Variants in AUTS2 observed in about 807,000 individuals in gnomAD.
The protein encoded by AUTS2 is autism susceptibility gene 2 protein.
In AUTS2, 17 loss-of-function variants were observed where a neutral mutation model predicts 112.4. The ratio of observed to expected loss-of-function variants is 0.15; its 90% confidence interval spans 0.10 to 0.23. The LOEUF (loss-of-function observed/expected upper bound fraction) is 0.23, where lower values mean the gene tolerates loss of function less well. Among genes scored for constraint, AUTS2 ranks in the 10% least tolerant of loss-of-function variants. AUTS2 has a pLI of 1.00. For synonymous variants in AUTS2, 751 were observed against 702.7 expected (o/e 1.07, Z -1.09); for missense variants, 1,510 against 1,701.6 (o/e 0.89, Z 1.98).
chr7:69,659,583 G>GTTTTTTTTTTT (rs58289887), intron 1 of AUTS2, among the ~76,000 whole-genome samples: 15 of 81,272 alleles, frequency 1.8e-4, no homozygotes, highest in Admixed American at 5.4e-4. Context: ...AGGCTTAGTT[G>GTTTTTTTTTTT]TTTTTTTTTT....
intron 5 of AUTS2, among the ~76,000 whole-genome samples, chr7:70,504,065 G>C (rs1475843647): frequency 7.6e-6 from 1 of 131,606 alleles, no homozygotes; most frequent in Non-Finnish European, 1.8e-5. Flanking sequence ...TTGTAAGCTT[G>C]GGTGTGAAAA....
intron 4 of AUTS2, among the ~76,000 whole-genome samples, chr7:70,190,844 A>G (rs1158051968): frequency 6.6e-6 from 1 of 152,180 alleles, no homozygotes; most frequent in Admixed American, 6.5e-5. Context: ...GGAAGTGGGT[A>G]TTTTAACCAT....
intron 4 of AUTS2, among the ~76,000 whole-genome samples, chr7:70,311,570 G>GT (rs769894821): frequency 6.6e-6 from 1 of 151,956 alleles, no homozygotes; most frequent in Non-Finnish European, 1.5e-5. Flanking sequence ...GTTTTGTTTT[G>GT]TTTTTTGTTA....
At chr7:70,145,548 T>C (rs1807082267) in intron 4 of AUTS2, among the ~76,000 whole-genome samples, 1 of 152,198 alleles carries the variant, frequency 6.6e-6, no homozygotes, top group Admixed American at 6.5e-5. Context: ...ACAGTATTTA[T>C]GTTTTAACAG....
Position 70,380,088 on chromosome 7 carries a change from T to G in AUTS2, c.661-55664T>G, listed in dbSNP as rs185841389. 5.3e-4 allele frequency among the ~76,000 whole-genome samples: 80 copies of G among 152,328 alleles called. 2 individuals are homozygous for G. In the East Asian group the frequency reaches 0.015, roughly 29 times the overall value. Reference sequence around the variant, plus strand: ...AAGTGGTTTGATCAGTATATATTGATTATTTGATTTATTGACTTTGCTGCA... The same window carrying G: ...AAGTGGTTTGATCAGTATATATTGAGTATTTGATTTATTGACTTTGCTGCA... On this transcript the variant is annotated intron_variant, in intron 4 of 18. Transcript: ENST00000342771.
At chr7:70,518,662 G>A (rs1466697319) in intron 5 of AUTS2, among the ~76,000 whole-genome samples, 3 of 150,162 alleles carry the variant, frequency 2.0e-5, no homozygotes, top group African/African-American at 4.9e-5. Flanking sequence ...CAGCCTGGGC[G>A]ACAGAGTGAG....
intron 1 of AUTS2, among the ~76,000 whole-genome samples, chr7:69,882,065 G>GCTTGAAA (rs1794072932): frequency 6.8e-6 from 1 of 148,062 alleles, no homozygotes; most frequent in South Asian, 2.1e-4. Context: ...CAGGAGAATC[G>GCTTGAAA]CTTGAAACTG....
At chr7:70,073,230 G>A (rs1192277682) in intron 2 of AUTS2, among the ~76,000 whole-genome samples, 1 of 151,720 alleles carries the variant, frequency 6.6e-6, no homozygotes, top group Non-Finnish European at 1.5e-5. Flanking sequence ...AGGCTGGTAG[G>A]CCAGGTGCAA....
At chr7:70,767,959 C>A in intron 9 of AUTS2, 65 bp from the exon 10 acceptor site, 1 of 1,522,530 alleles carries the variant, frequency 6.6e-7, no homozygotes. Flanking sequence ...GTAGGGCCAC[C>A]TCCACTGTAG....
intron 5 of AUTS2, among the ~76,000 whole-genome samples, chr7:70,574,351 C>T (rs1404453323): frequency 1.3e-5 from 2 of 152,192 alleles, no homozygotes; most frequent in Non-Finnish European, 2.9e-5. Flanking sequence ...CTCCATGTGC[C>T]AACGATCTTT....
chr7:70,639,742 A>C (rs917644986), intron 5 of AUTS2, among the ~76,000 whole-genome samples: 4 of 150,578 alleles, frequency 2.7e-5, no homozygotes, highest in Non-Finnish European at 5.9e-5. Flanking sequence ...TCCCTATTGG[A>C]AACCAGAAGG....
At chr7:70,018,104 A>G (rs1800111837) in intron 2 of AUTS2, among the ~76,000 whole-genome samples, 1 of 152,102 alleles carries the variant, frequency 6.6e-6, no homozygotes, top group Non-Finnish European at 1.5e-5. Context: ...TGCCATAGAA[A>G]TGCAAATTAC....
intron 2 of AUTS2, among the ~76,000 whole-genome samples, chr7:70,117,126 TGTTTTTTTTTG>T (rs1257055419): frequency 0.031 from 3,405 of 111,596 alleles, 150 homozygotes; most frequent in Non-Finnish European, 0.037. Context: ...TGTTTTTTTT[TGTTTTTTTTTG>T]TTTTTTTTTT....
chr7:70,186,934 C>G (rs1809636009), intron 4 of AUTS2, among the ~76,000 whole-genome samples: 1 of 152,168 alleles, frequency 6.6e-6, no homozygotes, highest in African/African-American at 2.4e-5. Context: ...TTGTTTATCC[C>G]TATTTTTTAG....
intron 1 of AUTS2, among the ~76,000 whole-genome samples, chr7:69,794,846 A>T (rs1271505091): frequency 2.0e-5 from 3 of 152,106 alleles, no homozygotes; most frequent in Non-Finnish European, 4.4e-5. Context: ...CATTAGTAGG[A>T]GGTAGGACTA....
rs1195713796 is a variant in AUTS2, at chr7:70,731,490, T to C, written c.743-31380T>C. Among the ~76,000 whole-genome samples the C allele has an allele frequency of 5.3e-5, 7 of 131,920 alleles. No individual in the cohort carries two copies. In the South Asian group the frequency reaches 1.6e-3, roughly 30 times the overall value. 86.5% of individuals were successfully genotyped at this position (131,920 alleles called of 152,430 possible). On this transcript the variant is annotated intron_variant, in intron 6 of 18. Coordinates refer to ENST00000342771, the MANE Select transcript of AUTS2 (RefSeq NM_015570.4). ...TGTTGCCCAGGCTGGAGTGCAGTGG[T>C]GCAATCTCGGCTCACTGCAAGCTCT...
chr7:70,595,601 G>A (rs1253640736), intron 5 of AUTS2, among the ~76,000 whole-genome samples: 1 of 152,046 alleles, frequency 6.6e-6, no homozygotes, highest in African/African-American at 2.4e-5. Flanking sequence ...CTAGGAATGA[G>A]GACACCCGGC....
intron 2 of AUTS2, among the ~76,000 whole-genome samples, chr7:70,026,381 C>T (rs917780460): frequency 1.3e-5 from 2 of 152,150 alleles, no homozygotes; most frequent in Non-Finnish European, 2.9e-5. Context: ...GAGGTGAGAG[C>T]AGGCTGTGAG....
At chr7:69,753,193 A>G (rs1031061453) in intron 1 of AUTS2, among the ~76,000 whole-genome samples, 2 of 152,194 alleles carry the variant, frequency 1.3e-5, no homozygotes, top group African/African-American at 4.8e-5. Flanking sequence ...TGCCTGGCAC[A>G]CAAGAGGTGC....
Sources: gnomAD v4.1 joint callset for allele counts (sites outside exome capture counted in the v4.1 genomes callset) on GRCh38, gnomAD v4.1.1 for gene constraint, MANE v1.5 for transcripts, NCBI Gene and HGNC (gene_info 2026-07-23, HGNC 2026-07-21) for gene names.